The following MIS18A variants were observed in gnomAD, a reference collection of about 807,000 sequenced individuals.
MIS18A encodes the protein protein Mis18-alpha.
Under a neutral mutation model 25.0 loss-of-function variants are expected in MIS18A, and 14 were observed. The ratio of observed to expected loss-of-function variants is 0.56; its 90% CI spans 0.37 to 0.88. MIS18A has a LOEUF of 0.88. Among genes scored for constraint, MIS18A ranks in the 40% least tolerant of loss-of-function variants. The pLI, the probability that MIS18A is intolerant of heterozygous loss-of-function variation, is 0.00. For synonymous variants in MIS18A, 134 were observed against 118.6 expected (o/e 1.13, Z -0.84); for missense variants, 292 against 290.8 (o/e 1.00, Z -0.03).
At chr21:32,209,360 AC>A in the MIS18A span, among the ~76,000 whole-genome samples, 1 of 152,196 alleles carries the variant, frequency 6.6e-6, no homozygotes, top group African/African-American at 2.4e-5. Context: ...TGCTTAATGA[AC>A]ACAGTCCCAG....
chr21:32,193,480 GTAGATAGATAGATAGA>G, the MIS18A span, among the ~76,000 whole-genome samples: 56 of 138,068 alleles, frequency 4.1e-4, no homozygotes, highest in African/African-American at 9.3e-4. Context: ...AGATAGATAG[GTAGATAGATAGATAGA>G]TAGATAGATA....
At chr21:32,278,226 G>A (rs947938277) in intron 1 of MIS18A, 3 of 162,066 alleles carry the variant, frequency 1.9e-5, no homozygotes, top group Non-Finnish European at 2.7e-5. Flanking sequence ...CTTCCCTATA[G>A]CACTGTGTTC....
the MIS18A span, among the ~76,000 whole-genome samples, chr21:32,176,841 A>G: frequency 1.3e-5 from 2 of 152,260 alleles, no homozygotes; most frequent in African/African-American, 4.8e-5. Flanking sequence ...CACAGATACT[A>G]CACAAAACTA....
At chr21:32,173,114 C>T in the MIS18A span, among the ~76,000 whole-genome samples, 1 of 152,102 alleles carries the variant, frequency 6.6e-6, no homozygotes, top group East Asian at 1.9e-4. Context: ...CATACTTCAT[C>T]AAAATTAAAG....
chr21:32,200,875 C>T, the MIS18A span, among the ~76,000 whole-genome samples: 1 of 152,202 alleles, frequency 6.6e-6, no homozygotes, highest in Non-Finnish European at 1.5e-5. Flanking sequence ...TAAAACTCTC[C>T]TAATTATCTT....
At chr21:32,172,989 A>G in the MIS18A span, among the ~76,000 whole-genome samples, 2 of 152,158 alleles carry the variant, frequency 1.3e-5, no homozygotes, top group African/African-American at 2.4e-5. Context: ...TGGGAGCTAA[A>G]CCTATAAAAC....
the MIS18A span, among the ~76,000 whole-genome samples, chr21:32,219,326 G>T: frequency 6.6e-6 from 1 of 152,130 alleles, no homozygotes; most frequent in Admixed American, 6.5e-5. Context: ...CCCACAGAGG[G>T]TGAGCAAAAG....
At chr21:32,164,217 G>A in the MIS18A span, among the ~76,000 whole-genome samples, 1 of 152,076 alleles carries the variant, frequency 6.6e-6, no homozygotes, top group Non-Finnish European at 1.5e-5. Flanking sequence ...CATAGCAGTG[G>A]TCAACAAGAT....
the MIS18A span, among the ~76,000 whole-genome samples, chr21:32,228,448 G>C: frequency 5.3e-5 from 8 of 152,216 alleles, no homozygotes; most frequent in Non-Finnish European, 1.0e-4. Context: ...AATAAGGAAA[G>C]TATGTCCCCT....
At chr21:32,227,416 C>CA in the MIS18A span, among the ~76,000 whole-genome samples, 1 of 150,748 alleles carries the variant, frequency 6.6e-6, no homozygotes, top group East Asian at 2.0e-4. Context: ...AGGATTATAA[C>CA]AAAAAACAAT....
chr21:32,156,481 A>T, the MIS18A span: 1 of 152,220 alleles, frequency 6.6e-6, no homozygotes, highest in Non-Finnish European at 1.5e-5. Flanking sequence ...GAGCAGATTT[A>T]CATGTCTTCA....
At chr21:32,247,341 A>G in the MIS18A span, among the ~76,000 whole-genome samples, 1 of 152,156 alleles carries the variant, frequency 6.6e-6, no homozygotes, top group Non-Finnish European at 1.5e-5. Context: ...CCTTGGGGAA[A>G]AGGAGTTCCT....
Position 32,268,856 on chromosome 21 carries a change from C to A in MIS18A, c.*181G>T. ...AGACTAGAACACAGTAGTGGCATGA[C>A]CAAGGCTCACTGCAGCCTCAACCTC... is the stretch of plus-strand genomic sequence containing the variant. On this transcript the variant is annotated 3_prime_UTR_variant, in exon 5 of 5. Coordinates refer to ENST00000290130, the MANE Select transcript of MIS18A (RefSeq NM_018944.3). The A allele has an allele frequency of 2.2e-6, 1 of 460,014 alleles. No homozygotes were observed. The highest frequency in any genetic ancestry group is 4.0e-6 in the Non-Finnish European group (1 of 252,638). The allele number at this position is 460,014 out of a possible 1,614,324, so 28.5% of individuals were successfully genotyped here.
At chr21:32,255,792 G>C in the MIS18A span, among the ~76,000 whole-genome samples, 1 of 151,650 alleles carries the variant, frequency 6.6e-6, no homozygotes, top group Non-Finnish European at 1.5e-5. Flanking sequence ...TCGGGAGGTT[G>C]AGGCAGGAGA....
chr21:32,266,322 C>T (rs1010758321), downstream of MIS18A, among the ~76,000 whole-genome samples: 3 of 152,226 alleles, frequency 2.0e-5, no homozygotes, highest in Non-Finnish European at 2.9e-5. Flanking sequence ...ACAAAACAGG[C>T]CACTCGGCTC....
At chr21:32,238,272 T>C in the MIS18A span, among the ~76,000 whole-genome samples, 1 of 152,216 alleles carries the variant, frequency 6.6e-6, no homozygotes, top group South Asian at 2.1e-4. Context: ...GGATAGGTTG[T>C]GCTGCAGTGA....
chr21:32,175,653 A>G, the MIS18A span, among the ~76,000 whole-genome samples: 4 of 151,100 alleles, frequency 2.6e-5, no homozygotes, highest in African/African-American at 7.3e-5. Flanking sequence ...ACTGAAAAAA[A>G]AAAAGTAGCT....
At chr21:32,203,044 A>G in the MIS18A span, among the ~76,000 whole-genome samples, 1 of 152,168 alleles carries the variant, frequency 6.6e-6, no homozygotes. Flanking sequence ...AATTTTTGAG[A>G]AATCACCATA....
chr21:32,192,401 C>T, the MIS18A span, among the ~76,000 whole-genome samples: 23,023 of 152,120 alleles, frequency 0.15, 1,852 homozygotes, highest in East Asian at 0.24. Context: ...TCCTTCCTGG[C>T]CTCCATATGG....
Sources: allele counts gnomAD v4.1 joint callset (sites outside exome capture counted in the v4.1 genomes callset), GRCh38; gene constraint gnomAD v4.1.1; transcripts MANE v1.5; gene names NCBI Gene and HGNC (gene_info 2026-07-23, HGNC 2026-07-21).